The following CCSER1 variants were observed in gnomAD, a reference collection of about 807,000 sequenced individuals.
The protein encoded by CCSER1 is coiled-coil serine rich protein 1.
In CCSER1, 41 loss-of-function variants were observed where a neutral mutation model predicts 82.0. The observed-to-expected ratio is 0.50, with a 90% CI of 0.39 to 0.65. CCSER1 has a LOEUF of 0.65. Among genes scored for constraint, CCSER1 ranks in the 30% least tolerant of loss-of-function variants. The pLI, the probability that CCSER1 is intolerant of heterozygous loss-of-function variation, is 0.00. For synonymous variants in CCSER1, 414 were observed against 383.9 expected, an observed-to-expected ratio of 1.08 and a Z score of -0.92; for missense variants, 1,119 against 1,064.2, an observed-to-expected ratio of 1.05 and a Z score of -0.72.
intron 5 of CCSER1, among the ~76,000 whole-genome samples, chr4:90,508,164 G>A (rs139196474): frequency 3.0e-4 from 45 of 152,034 alleles, no homozygotes; most frequent in African/African-American, 1.0e-3. Flanking sequence ...TTAGGATTTT[G>A]GAAAAATTGT....
intron 10 of CCSER1, among the ~76,000 whole-genome samples, chr4:91,207,950 G>T (rs1400826488): frequency 6.6e-6 from 1 of 151,918 alleles, no homozygotes; most frequent in African/African-American, 2.4e-5. Context: ...ATGTCATTGT[G>T]GTTTTGATTT....
At chr4:91,102,922 AAAAC>A (rs1218364282) in intron 10 of CCSER1, among the ~76,000 whole-genome samples, 5 of 152,234 alleles carry the variant, frequency 3.3e-5, no homozygotes, top group Non-Finnish European at 7.3e-5. Context: ...TATAGAGAAG[AAAAC>A]AAACATTTTC....
At chr4:90,711,838 T>G (rs1740668529) in intron 6 of CCSER1, among the ~76,000 whole-genome samples, 1 of 151,970 alleles carries the variant, frequency 6.6e-6, no homozygotes, top group Non-Finnish European at 1.5e-5. Context: ...GATGCTGGCC[T>G]CATAGAATGA....
intron 10 of CCSER1, among the ~76,000 whole-genome samples, chr4:91,301,723 A>C (rs1744682897): frequency 1.3e-5 from 2 of 151,862 alleles, no homozygotes; most frequent in African/African-American, 4.8e-5. Context: ...AATGGATAAG[A>C]ATCATTTTAA....
At chr4:90,372,566 A>G (rs1049721122) in intron 3 of CCSER1, among the ~76,000 whole-genome samples, 2 of 152,102 alleles carry the variant, frequency 1.3e-5, no homozygotes, top group Non-Finnish European at 2.9e-5. Context: ...CCTGGCCAAC[A>G]TGGTGAAACT....
At chr4:91,255,900 G>T (rs554915689) in intron 10 of CCSER1, among the ~76,000 whole-genome samples, 258 of 152,216 alleles carry the variant, frequency 1.7e-3, no homozygotes, top group African/African-American at 5.9e-3. Flanking sequence ...TGCACAAATT[G>T]TTCGTAAAGC....
chr4:91,084,203 A>G (rs1401433575), intron 9 of CCSER1, among the ~76,000 whole-genome samples: 2 of 152,032 alleles, frequency 1.3e-5, no homozygotes, highest in Admixed American at 1.3e-4. Flanking sequence ...AAGTGTAGAG[A>G]TTACAGGCAT....
chr4:91,021,929 A>G (rs965848166), intron 9 of CCSER1, among the ~76,000 whole-genome samples: 1 of 152,188 alleles, frequency 6.6e-6, no homozygotes. Context: ...ATATATAGGT[A>G]TGGTATATTT....
At chr4:90,340,243 T>C (rs569425758) in intron 3 of CCSER1, among the ~76,000 whole-genome samples, 1 of 152,160 alleles carries the variant, frequency 6.6e-6, no homozygotes, top group African/African-American at 2.4e-5. Flanking sequence ...TAGAAGATTA[T>C]TTTTACCTTA....
chr4:90,683,222 A>C (rs1485794756), intron 6 of CCSER1: 1 of 152,140 alleles, frequency 6.6e-6, no homozygotes, highest in Non-Finnish European at 1.5e-5. Context: ...AGAAAGAAGA[A>C]TCTTACTGTA....
intron 10 of CCSER1, among the ~76,000 whole-genome samples, chr4:91,376,939 C>G (rs894947484): frequency 5.9e-5 from 8 of 135,348 alleles, no homozygotes; most frequent in African/African-American, 2.2e-4. Flanking sequence ...GTGATGTTCC[C>G]CTTCCTGTGT....
intron 10 of CCSER1, among the ~76,000 whole-genome samples, chr4:91,272,222 G>T (rs1446909435): frequency 6.6e-6 from 1 of 152,188 alleles, no homozygotes; most frequent in Non-Finnish European, 1.5e-5. Context: ...CCCACCAGCA[G>T]TGTAAAAATG....
intron 10 of CCSER1, among the ~76,000 whole-genome samples, chr4:91,356,894 C>A (rs1216345457): frequency 1.3e-5 from 2 of 152,156 alleles, no homozygotes; most frequent in Non-Finnish European, 2.9e-5. Context: ...GCTGTAGAAT[C>A]CTGGAAAACA....
chr4:91,525,120 G>T (rs967615555), intron 10 of CCSER1, among the ~76,000 whole-genome samples: 2 of 152,094 alleles, frequency 1.3e-5, no homozygotes, highest in African/African-American at 4.8e-5. Context: ...TCTAGGGCTG[G>T]TGGAGAAGTT....
At chr4:90,785,425 A>G (rs1323418893) in intron 7 of CCSER1, among the ~76,000 whole-genome samples, 1 of 152,176 alleles carries the variant, frequency 6.6e-6, no homozygotes, top group African/African-American at 2.4e-5. Context: ...AAGATGCTAG[A>G]TGTTGTGCAG....
At chr4:90,893,783 G>C (rs1316109173) in intron 8 of CCSER1, among the ~76,000 whole-genome samples, 2 of 125,780 alleles carry the variant, frequency 1.6e-5, no homozygotes, top group African/African-American at 6.0e-5. Flanking sequence ...GTGCGTGTGT[G>C]TGTGTGTGTG....
chr4:91,496,402 C>G (rs1359009491), intron 10 of CCSER1, among the ~76,000 whole-genome samples: 2 of 149,598 alleles, frequency 1.3e-5, no homozygotes, highest in African/African-American at 4.9e-5. Context: ...TAAACATATG[C>G]TTCTTTTCAT....
At chr4:90,417,404 A>G (rs915980105) in intron 4 of CCSER1, among the ~76,000 whole-genome samples, 1 of 152,050 alleles carries the variant, frequency 6.6e-6, no homozygotes, top group African/African-American at 2.4e-5. Flanking sequence ...TTAATACTCA[A>G]AGAGAAATTA....
At chr4:90,397,777 G>A (rs532371803) in intron 3 of CCSER1, among the ~76,000 whole-genome samples, 1 of 152,270 alleles carries the variant, frequency 6.6e-6, no homozygotes, top group Admixed American at 6.5e-5. Context: ...AGATGGATTG[G>A]GTAGGGTGGT....
Sources: allele counts gnomAD v4.1 joint callset (sites outside exome capture counted in the v4.1 genomes callset), GRCh38; gene constraint gnomAD v4.1.1; transcripts MANE v1.5; gene names NCBI Gene and HGNC (gene_info 2026-07-23, HGNC 2026-07-21).